OXCT1: variants seen among roughly 807,000 people sequenced by gnomAD.
OXCT1 encodes succinyl-CoA:3-ketoacid coenzyme A transferase 1, mitochondrial.
In OXCT1, 27 loss-of-function variants were observed where a neutral mutation model predicts 69.6. That is an observed-to-expected ratio of 0.39 (90% CI 0.29 to 0.54). OXCT1 has a LOEUF of 0.54. OXCT1 is among the 20% of genes least tolerant of loss of function. OXCT1 has a pLI of 0.72. For synonymous variants in OXCT1, 202 were observed against 217.8 expected, an observed-to-expected ratio of 0.93 and a Z score of 0.64; for missense variants, 437 against 650.2, an observed-to-expected ratio of 0.67 and a Z score of 3.57.
At chr5:41,866,622 C>A (rs1220136626) in intron 1 of OXCT1, among the ~76,000 whole-genome samples, 1 of 152,198 alleles carries the variant, frequency 6.6e-6, no homozygotes, top group Non-Finnish European at 1.5e-5. Context: ...CAGAAGAGGA[C>A]CGGTGTCTAC....
chr5:41,775,631 T>C (rs1745085706), intron 13 of OXCT1, among the ~76,000 whole-genome samples: 1 of 152,102 alleles, frequency 6.6e-6, no homozygotes, highest in South Asian at 2.1e-4. Context: ...CTCCAGACCC[T>C]CTCTCCTTCC....
At chr5:41,789,589 T>G (rs373540552) in intron 13 of OXCT1, among the ~76,000 whole-genome samples, 3 of 152,162 alleles carry the variant, frequency 2.0e-5, no homozygotes, top group African/African-American at 7.2e-5. Context: ...GTATTTAAGC[T>G]CAAGTCTGTC....
intron 5 of OXCT1, among the ~76,000 whole-genome samples, chr5:41,847,689 A>T (rs1346277351): frequency 2.0e-5 from 3 of 152,236 alleles, no homozygotes; most frequent in Non-Finnish European, 4.4e-5. Context: ...CCACATGATT[A>T]TCTCAATAGA....
chr5:41,862,151 C>T (rs1749767576), intron 2 of OXCT1, among the ~76,000 whole-genome samples: 1 of 152,144 alleles, frequency 6.6e-6, no homozygotes, highest in Non-Finnish European at 1.5e-5. Context: ...GCAGAGGTTG[C>T]AGTAAACTGA....
At chr5:41,770,626 A>G (rs1744832895) in intron 13 of OXCT1, among the ~76,000 whole-genome samples, 1 of 152,214 alleles carries the variant, frequency 6.6e-6, no homozygotes, top group Non-Finnish European at 1.5e-5. Flanking sequence ...TTAATAGCTT[A>G]TAGGTCTTGA....
intron 7 of OXCT1, among the ~76,000 whole-genome samples, chr5:41,836,585 G>A (rs1452280871): frequency 6.6e-6 from 1 of 152,110 alleles, no homozygotes; most frequent in African/African-American, 2.4e-5. Context: ...GGTTGGGCAG[G>A]GACGTGGTTT....
chr5:41,814,933 T>C (rs911321099), intron 7 of OXCT1, among the ~76,000 whole-genome samples: 8 of 152,106 alleles, frequency 5.3e-5, no homozygotes, highest in African/African-American at 1.9e-4. Flanking sequence ...CTGTCCAGCC[T>C]CAAAGTTGGT....
chr5:41,810,780 G>T (rs966965063), intron 7 of OXCT1, among the ~76,000 whole-genome samples: 3 of 151,924 alleles, frequency 2.0e-5, no homozygotes, highest in African/African-American at 7.3e-5. Flanking sequence ...AGGCAATAAC[G>T]TCCTCATTTT....
At chr5:41,834,689 T>C (rs1000531475) in intron 7 of OXCT1, among the ~76,000 whole-genome samples, 2 of 152,036 alleles carry the variant, frequency 1.3e-5, no homozygotes, top group Non-Finnish European at 2.9e-5. Context: ...CAAATATTAT[T>C]AGAGCTAAAG....
In OXCT1 at chr5:41,748,087, A is replaced by G. The variant is rs1743592680; in HGVS notation, c.1419+1440T>C. On this transcript the variant is annotated intron_variant, in intron 15 of 16. Transcript: ENST00000196371. ...TTTTAAAATGATAGTAAAGTTAAAT[A>G]TCAATGTAAGTTATAGCATAAGAAT... is the stretch of plus-strand genomic sequence containing the variant. Among the ~76,000 whole-genome samples the G allele has an allele frequency of 1.3e-5, 2 of 152,154 alleles. 1 individual carries two copies. The highest frequency in any genetic ancestry group is 4.1e-4 in the South Asian group (2 of 4,836).
intron 7 of OXCT1, among the ~76,000 whole-genome samples, chr5:41,823,818 GA>G (rs1561106100): frequency 3.3e-5 from 5 of 151,958 alleles, no homozygotes; most frequent in Admixed American, 1.3e-4. Flanking sequence ...CAATTGGGGG[GA>G]AAAAAACATT....
chr5:41,821,651 G>A (rs1307896973), intron 7 of OXCT1, among the ~76,000 whole-genome samples: 1 of 152,170 alleles, frequency 6.6e-6, no homozygotes, highest in Admixed American at 6.5e-5. Flanking sequence ...TCTAATAGGT[G>A]TGTAATGGCA....
At chr5:41,785,365 G>A (rs1332834717) in intron 13 of OXCT1, among the ~76,000 whole-genome samples, 4 of 152,158 alleles carry the variant, frequency 2.6e-5, no homozygotes, top group Non-Finnish European at 5.9e-5. Flanking sequence ...ACCATAGTTG[G>A]AAAACACCCT....
intron 13 of OXCT1, among the ~76,000 whole-genome samples, chr5:41,778,286 A>C (rs1014641327): frequency 6.6e-6 from 1 of 152,220 alleles, no homozygotes; most frequent in Non-Finnish European, 1.5e-5. Flanking sequence ...GATCTACTAG[A>C]GCTATCAAAT....
At chr5:41,763,077 T>TC (rs1355967199) in intron 13 of OXCT1, among the ~76,000 whole-genome samples, 1 of 152,124 alleles carries the variant, frequency 6.6e-6, no homozygotes, top group Non-Finnish European at 1.5e-5. Context: ...GCCAGTAAAG[T>TC]CTTAGAGGGC....
chr5:41,801,569 T>C (rs536569232), intron 10 of OXCT1, among the ~76,000 whole-genome samples: 9 of 152,212 alleles, frequency 5.9e-5, no homozygotes, highest in Admixed American at 3.9e-4. Context: ...GTACCTACTA[T>C]GCAGCCAATG....
intron 14 of OXCT1, among the ~76,000 whole-genome samples, chr5:41,752,636 C>T (rs1743850932): frequency 6.6e-6 from 1 of 151,992 alleles, no homozygotes; most frequent in Admixed American, 6.6e-5. Flanking sequence ...GCCTGTAGTT[C>T]CAGCTACTCA....
intron 14 of OXCT1, among the ~76,000 whole-genome samples, chr5:41,757,680 G>A (rs563709275): frequency 6.6e-6 from 1 of 152,182 alleles, no homozygotes; most frequent in South Asian, 2.1e-4. Context: ...GAGGACAGAA[G>A]GAACTAAACC....
intron 13 of OXCT1, among the ~76,000 whole-genome samples, chr5:41,792,576 C>T (rs1239416856): frequency 6.6e-6 from 1 of 152,176 alleles, no homozygotes; most frequent in Non-Finnish European, 1.5e-5. Context: ...TAATATCCTA[C>T]ACAAGTATTT....
Sources: gnomAD v4.1 joint callset for allele counts (sites outside exome capture counted in the v4.1 genomes callset) on GRCh38, gnomAD v4.1.1 for gene constraint, MANE v1.5 for transcripts, NCBI Gene and HGNC (gene_info 2026-07-23, HGNC 2026-07-21) for gene names.